GLI2: variants seen among roughly 807,000 people sequenced by gnomAD.
GLI2 encodes transcription activator GLI2.
A neutral mutation model predicts 78.9 loss-of-function variants in GLI2; 22 were observed. The ratio of observed to expected loss-of-function variants is 0.28; its 90% CI spans 0.20 to 0.40. The LOEUF (loss-of-function observed/expected upper bound fraction) is 0.40, where lower values mean the gene tolerates loss of function less well. Ranked by LOEUF, GLI2 falls within the 10% of genes least tolerant of loss-of-function variation. The pLI, the probability that GLI2 is intolerant of heterozygous loss-of-function variation, is 1.00. For missense variants in GLI2, 2,097 were observed against 2,213.2 expected, an observed-to-expected ratio of 0.95 and a Z score of 1.05; for synonymous variants, 974 against 963.7, an observed-to-expected ratio of 1.01 and a Z score of -0.20.
intron 1 of GLI2, among the ~76,000 whole-genome samples, chr2:120,779,123 T>A (rs2104667820): frequency 6.6e-6 from 1 of 152,338 alleles, no homozygotes; most frequent in Non-Finnish European, 1.5e-5. Context: ...TGCACTGTCA[T>A]GAGCCCGCAC....
rs1305631445 is a variant in GLI2 at position 120,988,911 on chromosome 2, G to A, written c.2946G>A (p.Pro982=). Residue 982 remains proline (P), a synonymous_variant, in exon 14 of 14, where the codon CCG becomes CCA. Coordinates refer to ENST00000361492, the MANE Select transcript of GLI2 (RefSeq NM_001374353.1). ...STHNVNPGPL[P]PCADRRGLRL... is the part of the protein sequence containing the mutation. ...ACAACGTGAACCCCGGCCCGCTGCC[G>A]CCCTGTGCCGACAGGCGAGGCCTCC... The A allele has an allele frequency of 2.0e-6, 3 of 1,516,250 alleles. No individual in the cohort carries two copies. Among genetic ancestry groups the A allele is most frequent in the Admixed American group, 2.0e-5 (1 of 50,334 alleles). 93.9% of individuals were successfully genotyped at this position (1,516,250 alleles called of 1,614,324 possible).
At chr2:120,932,923 G>T (rs935416887) in intron 3 of GLI2, among the ~76,000 whole-genome samples, 1 of 152,172 alleles carries the variant, frequency 6.6e-6, no homozygotes, top group African/African-American at 2.4e-5. Context: ...TGTGGTGGGG[G>T]TCTTTCTTTC....
In GLI2 at chr2:120,882,557, C is replaced by T. The variant is rs148684563; in HGVS notation, c.149-44804C>T. Among the ~76,000 whole-genome samples the T allele has an allele frequency of 3.9e-4, 60 of 152,378 alleles. 1 individual carries two copies. In the South Asian group the frequency reaches 4.1e-3, roughly 11 times the overall value. On this transcript the variant is annotated intron_variant, in intron 2 of 13. Transcript: ENST00000361492. ...GGTGGCTTTGGCTGCAACGCGAAGC[C>T]GACAAGCACTGGCAGCAGGCCTGCT...
chr2:120,857,428 C>G (rs1389941225), intron 2 of GLI2, among the ~76,000 whole-genome samples: 30 of 106,462 alleles, frequency 2.8e-4, no homozygotes, highest in Non-Finnish European at 5.1e-4. Context: ...CACCCACCCA[C>G]CCACCTACCT....
intron 2 of GLI2, among the ~76,000 whole-genome samples, chr2:120,856,457 TC>T (rs1182636592): frequency 6.6e-6 from 1 of 152,080 alleles, no homozygotes; most frequent in African/African-American, 2.4e-5. Flanking sequence ...GCAGGACGGC[TC>T]CTAGGTAGAG....
intron 3 of GLI2, among the ~76,000 whole-genome samples, chr2:120,943,862 C>T (rs1016343212): frequency 1.3e-5 from 2 of 152,176 alleles, no homozygotes; most frequent in East Asian, 1.9e-4. Context: ...AAGCAGGCAC[C>T]GAGGCTGGGG....
At chr2:120,852,165 G>A (rs964790563) in intron 2 of GLI2, among the ~76,000 whole-genome samples, 2 of 152,222 alleles carry the variant, frequency 1.3e-5, no homozygotes, top group South Asian at 2.1e-4. Context: ...GATGGCATTC[G>A]CCTGTGTGGA....
At chr2:120,853,635 A>G (rs771215672) in intron 2 of GLI2, among the ~76,000 whole-genome samples, 2 of 152,222 alleles carry the variant, frequency 1.3e-5, no homozygotes, top group Non-Finnish European at 2.9e-5. Context: ...ACATAATCAT[A>G]CTTTCCTTCA....
intron 1 of GLI2, among the ~76,000 whole-genome samples, chr2:120,777,207 A>C (rs12711534): frequency 0.26 from 40,136 of 152,040 alleles, 7,423 homozygotes; most frequent in African/African-American, 0.53. Context: ...AAGTGTGTGT[A>C]AGCGTGAGCC....
chr2:120,758,072 A>G (rs941259721), intron 1 of GLI2, among the ~76,000 whole-genome samples: 1 of 152,170 alleles, frequency 6.6e-6, no homozygotes, highest in Non-Finnish European at 1.5e-5. Context: ...GATGTGTTTA[A>G]GACCTGACGG....
chr2:120,960,068 C>T (rs78857386), intron 5 of GLI2, among the ~76,000 whole-genome samples: 3,400 of 152,308 alleles, frequency 0.022, 132 homozygotes, highest in African/African-American at 0.078. Context: ...CATGCACACA[C>T]GCTGGTTGAT....
intron 5 of GLI2, among the ~76,000 whole-genome samples, chr2:120,966,139 C>T (rs571252348): frequency 2.0e-5 from 3 of 152,258 alleles, no homozygotes; most frequent in East Asian, 1.9e-4. Context: ...TAACTCTTCT[C>T]GTTGAAAATA....
intron 2 of GLI2, among the ~76,000 whole-genome samples, chr2:120,813,397 G>T (rs112954475): frequency 6.6e-6 from 1 of 152,178 alleles, no homozygotes; most frequent in Non-Finnish European, 1.5e-5. Flanking sequence ...TGGCTGCCAC[G>T]TGCCCTTGAG....
chr2:120,916,943 C>G (rs1679130568), intron 2 of GLI2, among the ~76,000 whole-genome samples: 1 of 152,122 alleles, frequency 6.6e-6, no homozygotes, highest in African/African-American at 2.4e-5. Flanking sequence ...GTCGTCGTTT[C>G]TGGTATCTTC....
intron 1 of GLI2, among the ~76,000 whole-genome samples, chr2:120,761,443 A>G (rs1249362231): frequency 6.6e-6 from 1 of 152,176 alleles, no homozygotes; most frequent in Non-Finnish European, 1.5e-5. Flanking sequence ...GGCCCAGCCC[A>G]GGGGGTGGCT....
intron 10 of GLI2, among the ~76,000 whole-genome samples, chr2:120,980,524 G>A (rs371156065): frequency 6.6e-6 from 1 of 152,078 alleles, no homozygotes; most frequent in African/African-American, 2.4e-5. Context: ...TCATATATCT[G>A]GTTACTAGAC....
chr2:120,927,753 A>T (rs1679759064), intron 3 of GLI2, among the ~76,000 whole-genome samples: 1 of 152,222 alleles, frequency 6.6e-6, no homozygotes, highest in Non-Finnish European at 1.5e-5. Flanking sequence ...TTCTTCATCC[A>T]TGAAGTGGGA....
intron 1 of GLI2, among the ~76,000 whole-genome samples, chr2:120,738,027 C>G (rs370600634): frequency 6.6e-6 from 1 of 152,194 alleles, no homozygotes; most frequent in East Asian, 1.9e-4. Context: ...TGTCTGGGGA[C>G]AGGCCCTCCC....
chr2:120,748,018 C>G (rs1025900763), intron 1 of GLI2, among the ~76,000 whole-genome samples: 2 of 152,238 alleles, frequency 1.3e-5, no homozygotes, highest in African/African-American at 4.8e-5. Flanking sequence ...ACCTTGCTAA[C>G]TTGGTTACGG....
Sources: gnomAD v4.1 joint callset for allele counts (sites outside exome capture counted in the v4.1 genomes callset) on GRCh38, gnomAD v4.1.1 for gene constraint, MANE v1.5 for transcripts, NCBI Gene and HGNC (gene_info 2026-07-23, HGNC 2026-07-21) for gene names.